The following SLAIN1 variants were observed in gnomAD, a reference collection of about 807,000 sequenced individuals.
SLAIN1 encodes SLAIN motif-containing protein 1.
In SLAIN1, 17 loss-of-function variants were observed where a neutral mutation model predicts 55.4. That is an observed-to-expected ratio of 0.31 (90% CI 0.21 to 0.46). The LOEUF is 0.46. SLAIN1 is among the 20% of genes least tolerant of loss of function. The pLI is 1.00. For missense variants in SLAIN1, 682 were observed against 785.1 expected, an observed-to-expected ratio of 0.87 and a Z score of 1.57; for synonymous variants, 348 against 337.4, an observed-to-expected ratio of 1.03 and a Z score of -0.35.
chr13:77,740,776 T>C (rs1873386685), intron 2 of SLAIN1, among the ~76,000 whole-genome samples: 1 of 152,076 alleles, frequency 6.6e-6, no homozygotes, highest in South Asian at 2.1e-4. Context: ...TTTGTTTGTT[T>C]TATTCTTTAT....
intron 1 of SLAIN1, among the ~76,000 whole-genome samples, chr13:77,705,178 C>CT (rs1204788816): frequency 6.6e-6 from 1 of 151,612 alleles, no homozygotes; most frequent in Non-Finnish European, 1.5e-5. Flanking sequence ...ATAACTGAGA[C>CT]TTTGTTTTCC....
At position 77,763,270 on chromosome 13, in the gene SLAIN1, T is replaced by C. The variant is rs1287777669; in HGVS notation, c.*50T>C. 6.9e-7 allele frequency: 1 copy of C among 1,455,614 alleles called. No homozygotes were observed. Among genetic ancestry groups the C allele is most frequent in the East Asian group, 2.3e-5 (1 of 44,130 alleles). The allele number at this position is 1,455,614 out of a possible 1,614,324, so 90.2% of individuals were successfully genotyped here. A position where few individuals can be genotyped will look rare whatever the true frequency, so the allele number is the denominator to read the frequency against. On this transcript the variant is annotated 3_prime_UTR_variant, in exon 7 of 7. Coordinates refer to ENST00000418532, the MANE Select transcript of SLAIN1 (RefSeq NM_001242868.2). ...ATGGGAAAGAAGTAAAAATGAGGGT[T>C]GTGTTACCTAGCTGGCTGGGTAGCA...
chr13:77,754,389 A>G (rs1047638789), intron 5 of SLAIN1, among the ~76,000 whole-genome samples: 29 of 152,178 alleles, frequency 1.9e-4, no homozygotes, highest in Admixed American at 3.3e-4. Context: ...CAACAACTCT[A>G]TGAATTAGTT....
At chr13:77,723,243 C>T (rs923524508) in intron 2 of SLAIN1, among the ~76,000 whole-genome samples, 2 of 152,142 alleles carry the variant, frequency 1.3e-5, no homozygotes, top group African/African-American at 4.8e-5. Flanking sequence ...GCCCTATTCT[C>T]TTACTCTACT....
chr13:77,717,575 C>A (rs1284239985), intron 1 of SLAIN1, among the ~76,000 whole-genome samples: 2 of 152,110 alleles, frequency 1.3e-5, no homozygotes, highest in African/African-American at 4.8e-5. Context: ...TCTTTTGTGA[C>A]ACTTCCACCT....
intron 1 of SLAIN1, among the ~76,000 whole-genome samples, chr13:77,705,644 ATT>A (rs58920069): frequency 6.8e-6 from 1 of 146,234 alleles, no homozygotes. Flanking sequence ...AGAAATACAG[ATT>A]TTTTTTTTTT....
intron 4 of SLAIN1, among the ~76,000 whole-genome samples, chr13:77,751,843 C>T (rs1050711980): frequency 3.9e-5 from 6 of 152,010 alleles, no homozygotes; most frequent in Admixed American, 2.6e-4. Flanking sequence ...TAGTTTTGTC[C>T]TTGAATTAGT....
At chr13:77,710,581 GA>G (rs1437960816) in intron 1 of SLAIN1, among the ~76,000 whole-genome samples, 3 of 152,138 alleles carry the variant, frequency 2.0e-5, no homozygotes, top group African/African-American at 4.8e-5. Flanking sequence ...GGAGGACCCA[GA>G]TTCATAAAAC....
chr13:77,733,229 A>T (rs1211004920), intron 2 of SLAIN1, among the ~76,000 whole-genome samples: 1 of 152,160 alleles, frequency 6.6e-6, no homozygotes, highest in East Asian at 1.9e-4. Context: ...TCAGGAGTAT[A>T]CAACTGCTTT....
chr13:77,700,513 A>G (rs1274856298), intron 1 of SLAIN1, among the ~76,000 whole-genome samples: 5 of 152,212 alleles, frequency 3.3e-5, no homozygotes, highest in Non-Finnish European at 7.4e-5. Flanking sequence ...AAAATTTTAA[A>G]GTTACCTGAT....
chr13:77,752,353 G>T (rs1874287684), intron 4 of SLAIN1, among the ~76,000 whole-genome samples: 1 of 143,070 alleles, frequency 7.0e-6, no homozygotes, highest in Non-Finnish European at 1.5e-5. Context: ...TAAATTTAAT[G>T]GCTATAAGAT....
chr13:77,716,055 T>G, intron 1 of SLAIN1, among the ~76,000 whole-genome samples: 1 of 152,104 alleles, frequency 6.6e-6, no homozygotes, highest in Admixed American at 6.5e-5. Context: ...GTTTCAAGTT[T>G]TACATTTTTG....
intron 1 of SLAIN1, among the ~76,000 whole-genome samples, chr13:77,713,840 C>T (rs958106935): frequency 1.7e-4 from 26 of 152,194 alleles, no homozygotes; most frequent in East Asian, 5.8e-4. Context: ...ACTGTTCAGC[C>T]ATAAAAAAAG....
chr13:77,709,826 A>C (rs1018803584), intron 1 of SLAIN1, among the ~76,000 whole-genome samples: 2 of 152,112 alleles, frequency 1.3e-5, no homozygotes, highest in African/African-American at 4.8e-5. Flanking sequence ...GCCGGAGTGC[A>C]ATGGCGCGAT....
Position 77,753,291 on chromosome 13 carries a change from A to C in SLAIN1, c.1347A>C (p.Arg449=), listed in dbSNP as rs757863021. ...ACATTAGTTCTCCGGTCACCGTGCG[A>C]AATAGTCAGAGTTTTGACTCAAGCT... The part of the protein sequence containing the change: ...SSNISSPVTV[R]NSQSFDSSLH... Residue 449 remains arginine (R), a synonymous_variant, in exon 5 of 7, where the codon CGA becomes CGC. Transcript: ENST00000418532. 1 of 1,613,172 alleles carries C rather than the reference A, an allele frequency of 6.2e-7. No individual in the cohort carries two copies. Among genetic ancestry groups the C allele is most frequent in the South Asian group, 1.1e-5 (1 of 90,982 alleles).
chr13:77,717,843 G>C (rs865821056), intron 1 of SLAIN1, among the ~76,000 whole-genome samples: 4 of 152,110 alleles, frequency 2.6e-5, no homozygotes. Flanking sequence ...TTAGCAATTT[G>C]TCTTAACAAG....
intron 1 of SLAIN1, among the ~76,000 whole-genome samples, chr13:77,714,724 A>G (rs774381408): frequency 3.9e-5 from 6 of 152,178 alleles, no homozygotes; most frequent in Admixed American, 1.3e-4. Flanking sequence ...GTAATGTACA[A>G]TTTGATAGAC....
At chr13:77,710,031 C>T (rs967906213) in intron 1 of SLAIN1, among the ~76,000 whole-genome samples, 4 of 152,060 alleles carry the variant, frequency 2.6e-5, no homozygotes, top group Non-Finnish European at 5.9e-5. Context: ...CTCAGCCTCC[C>T]AAAGTGCTGG....
chr13:77,699,367 T>G (rs1280249114), intron 1 of SLAIN1: 1 of 194,196 alleles, frequency 5.1e-6, no homozygotes, highest in Non-Finnish European at 1.1e-5. Context: ...TTTAGCTTGG[T>G]TATCAGAAAA....
Sources: allele counts gnomAD v4.1 joint callset (sites outside exome capture counted in the v4.1 genomes callset), GRCh38; gene constraint gnomAD v4.1.1; transcripts MANE v1.5; gene names NCBI Gene and HGNC (gene_info 2026-07-23, HGNC 2026-07-21).